KIF13A: variants seen among roughly 807,000 people sequenced by gnomAD.
KIF13A encodes the protein kinesin-like protein KIF13A.
In KIF13A, 79 loss-of-function variants were observed where a neutral mutation model predicts 212.2. That is an observed-to-expected ratio of 0.37 (90% CI 0.31 to 0.45). KIF13A has a LOEUF of 0.45. Ranked by LOEUF, KIF13A falls within the 20% of genes least tolerant of loss-of-function variation. The probability of loss-of-function intolerance (pLI) is 1.00; values close to 1 mark genes in which losing one functional copy is unlikely to be tolerated. For synonymous variants in KIF13A, 789 were observed against 808.6 expected (o/e 0.98, Z 0.41); for missense variants, 1,901 against 2,209.0 (o/e 0.86, Z 2.79).
chr6:17,923,828 A>T (rs948300271), intron 2 of KIF13A, among the ~76,000 whole-genome samples: 1 of 152,164 alleles, frequency 6.6e-6, no homozygotes, highest in Non-Finnish European at 1.5e-5. Context: ...TTCATTTCTT[A>T]TCTCAGATGT....
At chr6:17,781,685 G>A (rs1488356079) in intron 29 of KIF13A, among the ~76,000 whole-genome samples, 2 of 144,234 alleles carry the variant, frequency 1.4e-5, no homozygotes, top group African/African-American at 2.6e-5. Flanking sequence ...TTGAGTGCAC[G>A]GCCTGATCAT....
Position 17,808,940 on chromosome 6 carries a change from C to G in KIF13A, c.2001-10G>C. 6.4e-7 allele frequency: 1 copy of G among 1,569,590 alleles called. No homozygotes were observed. The highest frequency in any genetic ancestry group is 1.2e-5 in the South Asian group (1 of 85,398). The stretch of plus-strand genomic sequence containing the variant: ...TCGGAAGAGTTCATCCCTGCAGTGT[C>G]ATAGAAAAGGGAACGAGAAAATCTA... On this transcript the variant is annotated splice_polypyrimidine_tract_variant and intron_variant, in intron 17 of 38. Coordinates refer to ENST00000259711, the MANE Select transcript of KIF13A (RefSeq NM_022113.6).
chr6:17,950,684 C>T (rs1341075116), intron 2 of KIF13A: 66 of 984,840 alleles, frequency 6.7e-5, no homozygotes, highest in Non-Finnish European at 7.8e-5. Flanking sequence ...TAAGAGTCCT[C>T]AAATACACTT....
intron 2 of KIF13A, among the ~76,000 whole-genome samples, chr6:17,904,858 T>C (rs371770113): frequency 1.3e-5 from 2 of 152,390 alleles, no homozygotes; most frequent in South Asian, 2.1e-4. Flanking sequence ...AATACTTTAT[T>C]AATTGTTGGA....
chr6:17,796,150 G>A (rs1386865840), intron 23 of KIF13A, among the ~76,000 whole-genome samples: 1 of 150,482 alleles, frequency 6.6e-6, no homozygotes, highest in African/African-American at 2.4e-5. Flanking sequence ...CCAAAATAAC[G>A]GCAGCAGTCC....
chr6:17,928,325 A>T (rs572045545), intron 2 of KIF13A, among the ~76,000 whole-genome samples: 6 of 152,344 alleles, frequency 3.9e-5, no homozygotes, highest in Non-Finnish European at 5.9e-5. Context: ...CCTGTCTCAG[A>T]TGAAGTTCAA....
At chr6:17,975,601 C>G (rs1306943000) in intron 2 of KIF13A, among the ~76,000 whole-genome samples, 1 of 152,192 alleles carries the variant, frequency 6.6e-6, no homozygotes, top group Admixed American at 6.5e-5. Context: ...GCCGCTAGTT[C>G]GGGCAGCCTG....
At chr6:17,894,323 A>G (rs1772364204) in intron 3 of KIF13A, among the ~76,000 whole-genome samples, 1 of 150,600 alleles carries the variant, frequency 6.6e-6, no homozygotes, top group Non-Finnish European at 1.5e-5. Context: ...AGTAGAGACA[A>G]GGTCTTGCTA....
chr6:17,963,867 A>G lies in KIF13A; in HGVS notation c.146+23187T>C, dbSNP rs1295505636. On this transcript the variant is annotated intron_variant, in intron 2 of 38. Transcript: ENST00000259711. This position sits in a 1 kb window ranked among gnomAD's most constrained non-coding sequence, Gnocchi z 4.1. The stretch of plus-strand genomic sequence containing the variant: ...ACCATGCCTGGCCAATATGTTCTAT[A>G]TCTTAATGGTGATAGTGGTTAATCA... Among the ~76,000 whole-genome samples, 1 of 152,170 alleles carries G rather than the reference A, an allele frequency of 6.6e-6. No individual in the cohort carries two copies. The highest frequency in any genetic ancestry group is 6.5e-5 in the Admixed American group (1 of 15,274).
intron 13 of KIF13A, among the ~76,000 whole-genome samples, chr6:17,830,279 CAT>C (rs1176995140): frequency 6.6e-6 from 1 of 152,134 alleles, no homozygotes; most frequent in African/African-American, 2.4e-5. Flanking sequence ...CTCATTTTAT[CAT>C]GTGTGTGTGT....
In KIF13A at chr6:17,849,818, C is replaced by T. The variant is rs1174119554; in HGVS notation, c.718-329G>A. Among the ~76,000 whole-genome samples, 1 of 152,158 alleles carries T rather than the reference C, an allele frequency of 6.6e-6. No individual in the cohort carries two copies. Among genetic ancestry groups the T allele is most frequent in the African/African-American group, 2.4e-5 (1 of 41,442 alleles). On this transcript the variant is annotated intron_variant, in intron 8 of 38. Transcript: ENST00000259711. This position sits in a 1 kb window ranked among gnomAD's most constrained non-coding sequence, Gnocchi z 5.7. ...TTCTGCACATTCAAGTCAAATCCTT[C>T]TTCCTTTGAAAAAAGGTTTAGGCTA... is the stretch of plus-strand genomic sequence containing the variant.
rs913365480 is a variant in KIF13A at position 17,874,999 on chromosome 6, G to GCGCACA, written c.160-1563_160-1562insTGTGCG. Among the ~76,000 whole-genome samples, 41 of 120,266 alleles carry GCGCACA rather than the reference G, an allele frequency of 3.4e-4. 1 individual carries two copies. Among genetic ancestry groups the GCGCACA allele is most frequent in the African/African-American group, 1.2e-3 (39 of 32,666 alleles). The allele number at this position is 120,266 out of a possible 152,430, so 78.9% of individuals were successfully genotyped here. ...CCACCACACACACACACACGCACACGCACGCACACACACACACACACACAC... is the reference window on the plus strand; with the variant it reads ...CCACCACACACACACACACGCACACGCGCACACACGCACACACACACACACACACAC... On this transcript the variant is annotated intron_variant, in intron 3 of 38. Transcript: ENST00000259711.
chr6:17,911,776 T>C lies in KIF13A; in HGVS notation c.147-13596A>G, dbSNP rs1310637913. 2.0e-5 allele frequency among the ~76,000 whole-genome samples: 3 copies of C among 151,772 alleles called. No individual in the cohort carries two copies. The East Asian group carries it at 5.8e-4, about 29-fold the overall frequency. The stretch of plus-strand genomic sequence containing the variant: ...GACTATAGTCAATAATAATTTTTTT[T>C]TTTTTTGAGACAGATTCTCACTATG... On this transcript the variant is annotated intron_variant, in intron 2 of 38. Transcript: ENST00000259711.
Position 17,783,343 on chromosome 6 carries a change from C to A in KIF13A, c.3544+303G>T, listed in dbSNP as rs1175920171. ...CTAGTCAGAGATGCAGATTCATAGG[C>A]CCTTGCCAAGCCTAAAGACTCAGAA... On this transcript the variant is annotated intron_variant, in intron 29 of 38. Transcript: ENST00000259711. The surrounding 1 kb of genome is among the most constrained non-coding windows in gnomAD (Gnocchi z 4.3). 6.6e-6 allele frequency among the ~76,000 whole-genome samples: 1 copy of A among 152,162 alleles called. No individual in the cohort carries two copies. Among genetic ancestry groups the A allele is most frequent in the Admixed American group, 6.5e-5 (1 of 15,272 alleles).
chr6:17,814,022 A>G (rs1402603201), intron 17 of KIF13A, among the ~76,000 whole-genome samples: 3 of 136,878 alleles, frequency 2.2e-5, no homozygotes, highest in African/African-American at 5.6e-5. Context: ...GCATGATCTC[A>G]GCTCACTGCA....
At chr6:17,921,737 T>C (rs1223541758) in intron 2 of KIF13A, among the ~76,000 whole-genome samples, 2 of 152,120 alleles carry the variant, frequency 1.3e-5, no homozygotes, top group East Asian at 1.9e-4. Flanking sequence ...ACAAAAACTC[T>C]TGGTGTCGTC....
At chr6:17,803,752 G>A (rs983596089) in intron 20 of KIF13A, among the ~76,000 whole-genome samples, 12 of 152,152 alleles carry the variant, frequency 7.9e-5, no homozygotes, top group Admixed American at 2.6e-4. Context: ...AAGAGAGAGC[G>A]ATATGGGGCA....
chr6:17,859,638 A>ATATATATT (rs1461455926), intron 4 of KIF13A, among the ~76,000 whole-genome samples: 1 of 111,858 alleles, frequency 8.9e-6, no homozygotes, highest in Non-Finnish European at 1.8e-5. Context: ...ATATATATAT[A>ATATATATT]TTTTTTTTTT....
rs1032220543 is a variant in KIF13A at position 17,794,448 on chromosome 6, G to A, written c.3076-53C>T. 41 of 1,577,616 alleles carry A rather than the reference G, an allele frequency of 2.6e-5. No homozygotes were observed. The South Asian group carries it at 3.3e-4, about 13-fold the overall frequency. ...GCCAGGAATGATAATGAAAAGGAAC[G>A]GGATAAAGAAGGGGAAAAGGATTAG... On this transcript the variant is annotated intron_variant, in intron 24 of 38. Coordinates refer to ENST00000259711, the MANE Select transcript of KIF13A (RefSeq NM_022113.6). The surrounding 1 kb of genome is among the most constrained non-coding windows in gnomAD (Gnocchi z 4.1).
Sources: gnomAD v4.1 joint callset for allele counts (sites outside exome capture counted in the v4.1 genomes callset) on GRCh38, gnomAD v4.1.1 for gene constraint, Gnocchi (gnomAD v3.1) non-coding constraint, MANE v1.5 for transcripts, NCBI Gene and HGNC (gene_info 2026-07-23, HGNC 2026-07-21) for gene names.